UBE2D3: variants seen among roughly 807,000 people sequenced by gnomAD.
The protein encoded by UBE2D3 is ubiquitin conjugating enzyme E2 D3, also known as ubiquitin-conjugating enzyme E2 D3.
Under a neutral mutation model 22.8 loss-of-function variants are expected in UBE2D3, and 2 were observed. The observed-to-expected ratio is 0.09, with a 90% CI of 0.04 to 0.28. UBE2D3 has a LOEUF of 0.28. Among genes scored for constraint, UBE2D3 ranks in the 10% least tolerant of loss-of-function variants. UBE2D3 has a pLI of 1.00. For synonymous variants in UBE2D3, 56 were observed against 60.4 expected, an observed-to-expected ratio of 0.93 and a Z score of 0.34; for missense variants, 27 against 182.5, an observed-to-expected ratio of 0.15 and a Z score of 4.91.
intron 2 of UBE2D3, among the ~76,000 whole-genome samples, chr4:102,818,769 G>A (rs376178749): frequency 3.4e-4 from 52 of 151,464 alleles, no homozygotes; most frequent in African/African-American, 1.2e-3. Flanking sequence ...TTTTTATTCT[G>A]AAACATTCCT....
Position 102,824,430 on chromosome 4 carries a change from T to C in UBE2D3, c.24+2055A>G, listed in dbSNP as rs151039680. The stretch of plus-strand genomic sequence containing the variant: ...AACAAATCTAGGAACTTAAAATTTG[T>C]TTTGTTCACTGCTGCCACCCCAATG... On this transcript the variant is annotated intron_variant, in intron 2 of 7. Transcript: ENST00000453744. Among the ~76,000 whole-genome samples the C allele has an allele frequency of 7.2e-4, 109 of 152,330 alleles. 2 individuals are homozygous for C. The highest frequency in any genetic ancestry group is 2.5e-3 in the African/African-American group (106 of 41,580).
intron 2 of UBE2D3, among the ~76,000 whole-genome samples, chr4:102,814,716 C>G (rs1728552625): frequency 6.6e-6 from 1 of 152,030 alleles, no homozygotes; most frequent in African/African-American, 2.4e-5. Context: ...ACAAGCAGAC[C>G]ATGTGTAGAC....
chr4:102,827,689 C>T (rs558072660), upstream of UBE2D3: 9 of 984,874 alleles, frequency 9.1e-6, no homozygotes, highest in South Asian at 3.8e-4. Context: ...CGTCCGGGGC[C>T]GAGTGAATAC....
At chr4:102,834,366 TA>T (rs1295054011) in intron 1 of UBE2D3, among the ~76,000 whole-genome samples, 1 of 152,086 alleles carries the variant, frequency 6.6e-6, no homozygotes, top group Non-Finnish European at 1.5e-5. Flanking sequence ...GGTAAAGGAT[TA>T]AAAAACTCTC....
chr4:102,817,989 A>G (rs912623048), intron 2 of UBE2D3, among the ~76,000 whole-genome samples: 2 of 152,212 alleles, frequency 1.3e-5, no homozygotes, highest in Admixed American at 6.5e-5. Context: ...ATTCCTTCCT[A>G]GCAGTCTAGA....
At chr4:102,806,211 TA>T (rs1381371659) in intron 4 of UBE2D3, among the ~76,000 whole-genome samples, 1 of 152,204 alleles carries the variant, frequency 6.6e-6, no homozygotes, top group Non-Finnish European at 1.5e-5. Context: ...CTGTCTCTTC[TA>T]TAGAACATGT....
At chr4:102,805,154 AAAG>A (rs1186980564) in intron 4 of UBE2D3, among the ~76,000 whole-genome samples, 3 of 152,240 alleles carry the variant, frequency 2.0e-5, no homozygotes, top group African/African-American at 7.2e-5. Context: ...AGAACTTTAT[AAAG>A]AAGGCAAAAT....
intron 1 of UBE2D3, among the ~76,000 whole-genome samples, chr4:102,833,214 C>CT (rs1282953496): frequency 6.6e-6 from 1 of 150,760 alleles, no homozygotes; most frequent in African/African-American, 2.4e-5. Context: ...AATTTCATTT[C>CT]TTTTAAATTT....
chr4:102,851,052 A>C (rs1483314445), intron 1 of UBE2D3, among the ~76,000 whole-genome samples: 1 of 152,236 alleles, frequency 6.6e-6, no homozygotes, highest in Non-Finnish European at 1.5e-5. Context: ...CCATGTAACC[A>C]AAACCCACCT....
chr4:102,860,017 T>C (rs1732806577), intron 1 of UBE2D3, among the ~76,000 whole-genome samples: 1 of 151,998 alleles, frequency 6.6e-6, no homozygotes, highest in South Asian at 2.1e-4. Flanking sequence ...GGCTAATTTT[T>C]TTTGTAATTT....
exon 1 of UBE2D3, chr4:102,868,761 C>T (rs370371521): frequency 1.2e-6 from 2 of 1,614,102 alleles, no homozygotes; most frequent in Non-Finnish European, 1.7e-6. Flanking sequence ...ATGCTTATCT[C>T]ATCGCACACA....
At chr4:102,849,228 G>T (rs376216770) in intron 1 of UBE2D3, among the ~76,000 whole-genome samples, 2 of 151,322 alleles carry the variant, frequency 1.3e-5, no homozygotes, top group African/African-American at 4.9e-5. Flanking sequence ...GCTGGGTGTG[G>T]TGGCACACAC....
chr4:102,858,208 G>C (rs2110376145), intron 1 of UBE2D3, among the ~76,000 whole-genome samples: 1 of 152,062 alleles, frequency 6.6e-6, no homozygotes, highest in East Asian at 1.9e-4. Flanking sequence ...TTGGCATATA[G>C]TAAGCACTTG....
At chr4:102,829,189 G>T (rs1031934503), upstream of UBE2D3, among the ~76,000 whole-genome samples, 3 of 152,148 alleles carry the variant, frequency 2.0e-5, no homozygotes, top group African/African-American at 7.2e-5. Context: ...CAGTGGTGGA[G>T]CCTGAGAGCC....
At chr4:102,857,857 C>T (rs1345531828) in intron 1 of UBE2D3, among the ~76,000 whole-genome samples, 1 of 151,872 alleles carries the variant, frequency 6.6e-6, no homozygotes, top group African/African-American at 2.4e-5. Flanking sequence ...CCATGCCTGG[C>T]TAATTTTTTT....
In UBE2D3 at chr4:102,797,470, A is replaced by G. The variant is rs749335395; in HGVS notation, c.399-10T>C. ...AGATATTCTGTTGTACCTGTAAATAAAGATGTTATTTTTAAAAGTTAAAAT... is the reference window on the plus strand; with the variant it reads ...AGATATTCTGTTGTACCTGTAAATAGAGATGTTATTTTTAAAAGTTAAAAT... On this transcript the variant is annotated splice_polypyrimidine_tract_variant and intron_variant, in intron 7 of 7. Transcript: ENST00000453744. 6.3e-6 allele frequency: 10 copies of G among 1,593,020 alleles called. No individual in the cohort carries two copies.
intron 1 of UBE2D3, among the ~76,000 whole-genome samples, chr4:102,867,304 A>C (rs1733191229): frequency 6.6e-6 from 1 of 152,236 alleles, no homozygotes; most frequent in African/African-American, 2.4e-5. Flanking sequence ...AAAAATACCA[A>C]GGGGAAAAAT....
intron 1 of UBE2D3, among the ~76,000 whole-genome samples, chr4:102,848,029 T>C (rs1029107345): frequency 1.3e-5 from 2 of 152,130 alleles, no homozygotes; most frequent in African/African-American, 4.8e-5. Flanking sequence ...ATCGCCAAGG[T>C]CTGATTTTTC....
chr4:102,795,824 C>T lies in UBE2D3; in HGVS notation c.*1591G>A, dbSNP rs1725217067. The T allele has an allele frequency of 6.6e-6, 1 of 152,136 alleles. No homozygotes were observed. The highest frequency in any genetic ancestry group is 1.5e-5 in the Non-Finnish European group (1 of 67,906). The allele number at this position is 152,136 out of a possible 1,614,324, so 9.4% of individuals were successfully genotyped here. A position where few individuals can be genotyped will look rare whatever the true frequency, so the allele number is the denominator to read the frequency against. On this transcript the variant is annotated 3_prime_UTR_variant, in exon 8 of 8. Coordinates refer to ENST00000453744, the MANE Select transcript of UBE2D3 (RefSeq NM_181891.3). Reference sequence around the variant, plus strand: ...TGGAGGAGTCACAGATGTGCTAGAACTTTAAGAAATAAAGCAGTGAACAAA... The same window carrying T: ...TGGAGGAGTCACAGATGTGCTAGAATTTTAAGAAATAAAGCAGTGAACAAA...
Sources: gnomAD v4.1 joint callset for allele counts (sites outside exome capture counted in the v4.1 genomes callset) on GRCh38, gnomAD v4.1.1 for gene constraint, MANE v1.5 for transcripts, NCBI Gene and HGNC (gene_info 2026-07-23, HGNC 2026-07-21) for gene names.